RAC1: variants seen among roughly 807,000 people sequenced by gnomAD.
The protein encoded by RAC1 is ras-related C3 botulinum toxin substrate 1.
A neutral mutation model predicts 25.2 loss-of-function variants in RAC1; 2 were observed. The observed-to-expected ratio is 0.08, with a 90% CI of 0.03 to 0.25. The LOEUF (loss-of-function observed/expected upper bound fraction) is 0.25. Ranked by LOEUF, RAC1 falls within the 10% of genes least tolerant of loss-of-function variation. The probability of loss-of-function intolerance (pLI) is 1.00; values close to 1 mark genes in which losing one functional copy is unlikely to be tolerated. For missense variants in RAC1, 50 were observed against 235.7 expected (o/e 0.21, Z 5.16); for synonymous variants, 88 against 94.0 (o/e 0.94, Z 0.37).
chr7:6,396,751 C>T (rs1783247259), intron 3 of RAC1, among the ~76,000 whole-genome samples: 2 of 152,160 alleles, frequency 1.3e-5, no homozygotes, highest in African/African-American at 4.8e-5. Context: ...GCTTGAGTGG[C>T]CTGGCACGGT....
At chr7:6,381,857 A>G (rs1022032637) in intron 1 of RAC1, among the ~76,000 whole-genome samples, 7 of 152,168 alleles carry the variant, frequency 4.6e-5, no homozygotes, top group African/African-American at 1.2e-4. Context: ...TATAAGGCCT[A>G]CCGTTACAGA....
intron 3 of RAC1, among the ~76,000 whole-genome samples, chr7:6,399,507 CT>C (rs1562469949): frequency 6.6e-6 from 1 of 152,258 alleles, no homozygotes; most frequent in Non-Finnish European, 1.5e-5. Flanking sequence ...TGCACCCACC[CT>C]TTGCGCCTCT....
intron 1 of RAC1, among the ~76,000 whole-genome samples, chr7:6,378,406 C>G (rs973812634): frequency 1.3e-5 from 2 of 151,610 alleles, no homozygotes; most frequent in African/African-American, 4.8e-5. Flanking sequence ...ATTAGCCGGG[C>G]GTGGTGGTGG....
At chr7:6,383,873 G>C (rs1326257567) in intron 1 of RAC1, among the ~76,000 whole-genome samples, 12 of 129,610 alleles carry the variant, frequency 9.3e-5, no homozygotes, top group African/African-American at 3.0e-5. Context: ...CGCAATCTCG[G>C]CTCACTGCAA....
At chr7:6,384,246 C>A (rs190477482) in intron 1 of RAC1, among the ~76,000 whole-genome samples, 2 of 152,254 alleles carry the variant, frequency 1.3e-5, no homozygotes, top group African/African-American at 4.8e-5. Context: ...TGTCCAGTCC[C>A]CATTCTTGGT....
At chr7:6,396,806 G>C (rs1027616538) in intron 3 of RAC1, among the ~76,000 whole-genome samples, 1 of 152,078 alleles carries the variant, frequency 6.6e-6, no homozygotes, top group African/African-American at 2.4e-5. Context: ...CGAGGTGGGC[G>C]GATCACGAGG....
intron 1 of RAC1, among the ~76,000 whole-genome samples, chr7:6,376,835 A>G (rs952638420): frequency 6.1e-5 from 9 of 148,238 alleles, no homozygotes; most frequent in African/African-American, 2.2e-4. Flanking sequence ...GAAAATTTCT[A>G]AAACTAAAAC....
chr7:6,378,885 C>G (rs1257569013), intron 1 of RAC1, among the ~76,000 whole-genome samples: 2 of 152,030 alleles, frequency 1.3e-5, no homozygotes, highest in South Asian at 4.1e-4. Flanking sequence ...GTCAGGAGTT[C>G]GAGACCAGTC....
chr7:6,377,782 G>C (rs2115181886), intron 1 of RAC1, among the ~76,000 whole-genome samples: 1 of 152,184 alleles, frequency 6.6e-6, no homozygotes, highest in African/African-American at 2.4e-5. Flanking sequence ...GGGCACGCCT[G>C]TAATCCTAGC....
intron 2 of RAC1, among the ~76,000 whole-genome samples, chr7:6,389,113 A>G (rs1048003134): frequency 6.6e-6 from 1 of 151,692 alleles, no homozygotes; most frequent in Non-Finnish European, 1.5e-5. Context: ...GAGGCATGAG[A>G]ATTGCTTGAA....
chr7:6,383,166 A>G (rs1383762984), intron 1 of RAC1, among the ~76,000 whole-genome samples: 2 of 152,234 alleles, frequency 1.3e-5, no homozygotes, highest in Non-Finnish European at 2.9e-5. Context: ...GAAATTCTCC[A>G]GCAGTATCAG....
chr7:6,389,294 G>A (rs959662774), intron 2 of RAC1, among the ~76,000 whole-genome samples: 4 of 151,988 alleles, frequency 2.6e-5, no homozygotes, highest in Admixed American at 6.6e-5. Flanking sequence ...CTTGACTTAA[G>A]TGGCCTCTTA....
intron 2 of RAC1, among the ~76,000 whole-genome samples, chr7:6,389,310 C>G (rs575012011): frequency 2.0e-5 from 3 of 152,188 alleles, no homozygotes; most frequent in Non-Finnish European, 2.9e-5. Context: ...TCTTAGTACA[C>G]ACTGCCATTA....
In RAC1 at chr7:6,386,871, G is replaced by A. The variant is rs1228470901; in HGVS notation, c.36-341G>A. Among the ~76,000 whole-genome samples, 3 of 151,852 alleles carry A rather than the reference G, an allele frequency of 2.0e-5. No homozygotes were observed. The South Asian group carries it at 6.2e-4, about 32-fold the overall frequency. On this transcript the variant is annotated intron_variant, in intron 1 of 5. Transcript: ENST00000348035. ...AAGATTCTTGATGAGAGGCTCTACA[G>A]ATGTTCACAGAAGAGACGTGAAGTT...
intron 2 of RAC1, among the ~76,000 whole-genome samples, chr7:6,388,322 T>TTTG (rs533656351): frequency 3.6e-4 from 55 of 151,332 alleles, no homozygotes; most frequent in Admixed American, 1.4e-3. Flanking sequence ...TACCCATGTT[T>TTTG]TTGTTGTTGT....
At chr7:6,401,008 G>A (rs1184154383) in intron 4 of RAC1, among the ~76,000 whole-genome samples, 1 of 151,970 alleles carries the variant, frequency 6.6e-6, no homozygotes, top group East Asian at 1.9e-4. Flanking sequence ...CCAAGCTGGA[G>A]TGCAGTGGCA....
At chr7:6,398,685 T>C in intron 3 of RAC1, 2 of 1,613,926 alleles carry the variant, frequency 1.2e-6, no homozygotes, top group Non-Finnish European at 8.5e-7. Context: ...ACGGTAAGGA[T>C]ATAACCTCCC....
intron 1 of RAC1, among the ~76,000 whole-genome samples, chr7:6,382,255 G>C (rs555431484): frequency 6.6e-6 from 1 of 152,246 alleles, no homozygotes; most frequent in South Asian, 2.1e-4. Context: ...TTGGCCTCTT[G>C]CTGGGATTAC....
rs777036320 is a variant in RAC1 at position 6,402,401 on chromosome 7, C to T, written c.534C>T (p.Cys178=). The change falls in exon 6 of 6, where the codon TGC becomes TGT. Residue 178 remains cysteine (C), a synonymous_variant. Transcript: ENST00000348035. Reference sequence around the variant, plus strand: ...ACGAAGCGATCCGAGCAGTCCTCTGCCCGCCTCCCGTGAAGAAGAGGAAGA... The same window carrying T: ...ACGAAGCGATCCGAGCAGTCCTCTGTCCGCCTCCCGTGAAGAAGAGGAAGA... ...VFDEAIRAVL[C]PPPVKKRKRK... is the part of the protein sequence containing the mutation. The T allele has an allele frequency of 8.1e-6, 13 of 1,610,572 alleles. No homozygotes were observed. Among genetic ancestry groups the T allele is most frequent in the African/African-American group, 1.3e-5 (1 of 74,648 alleles).
Sources: allele counts gnomAD v4.1 joint callset (sites outside exome capture counted in the v4.1 genomes callset), GRCh38; gene constraint gnomAD v4.1.1; transcripts MANE v1.5; gene names NCBI Gene and HGNC (gene_info 2026-07-23, HGNC 2026-07-21).